The following DGUOK variants were observed in gnomAD, a reference collection of about 807,000 sequenced individuals.
DGUOK encodes the protein deoxyguanosine kinase.
A neutral mutation model predicts 36.6 loss-of-function variants in DGUOK; 30 were observed. That is an observed-to-expected ratio of 0.82 (90% CI 0.61 to 1.11). The LOEUF (loss-of-function observed/expected upper bound fraction) is 1.11, where lower values mean the gene tolerates loss of function less well. DGUOK is among the 50% of genes most tolerant of loss of function. The pLI is 0.00. For missense variants in DGUOK, 361 were observed against 336.4 expected, an observed-to-expected ratio of 1.07 and a Z score of -0.57; for synonymous variants, 145 against 126.3, an observed-to-expected ratio of 1.15 and a Z score of -0.99.
rs754292466 is a variant in DGUOK at position 73,958,211 on chromosome 2, AG to A, written c.775del (p.Glu259LysfsTer2). 1 of 1,613,864 alleles carries A rather than the reference AG, an allele frequency of 6.2e-7. No homozygotes were observed. Among genetic ancestry groups the A allele is most frequent in the South Asian group, 1.1e-5 (1 of 91,066 alleles). ...TTGGATGTCAATGATGATTTTTCTG[AG>A]GAAGTAACCAAACAAGAAGACCTCA... ...LVLDVNDDFS[E>X]EVTKQEDLMR... On this transcript the variant is annotated frameshift_variant, in exon 6 of 7. Coordinates refer to ENST00000264093, the MANE Select transcript of DGUOK (RefSeq NM_080916.3). LOFTEE classifies it high-confidence loss of function.
Position 73,938,893 on chromosome 2 carries a change from T to C in DGUOK, c.143-17T>C. 5 of 1,569,700 alleles carry C rather than the reference T, an allele frequency of 3.2e-6. No homozygotes were observed. Among genetic ancestry groups the C allele is most frequent in the Non-Finnish European group, 4.4e-6 (5 of 1,139,554 alleles). On this transcript the variant is annotated splice_polypyrimidine_tract_variant and intron_variant, in intron 1 of 6. Coordinates refer to ENST00000264093, the MANE Select transcript of DGUOK (RefSeq NM_080916.3). ...CTGATTTGGGAAGCATCCCAATACA[T>C]GCTATTTGCATTGCAGCTGTGGGAA...
In DGUOK at chr2:73,958,024, T is replaced by C. The variant is rs1482528602; in HGVS notation, c.708-122T>C. ...TTTTTTAAATGCAGTTTACATGCAG[T>C]TTCTTTGAAAAGTCATGTTGAATTT... On this transcript the variant is annotated intron_variant, in intron 5 of 6. Coordinates refer to ENST00000264093, the MANE Select transcript of DGUOK (RefSeq NM_080916.3). The C allele has an allele frequency of 7.7e-6, 6 of 776,862 alleles. No homozygotes were observed. In the African/African-American group the frequency reaches 1.0e-4, roughly 13 times the overall value. The allele number at this position is 776,862 out of a possible 1,614,324, so 48.1% of individuals were successfully genotyped here.
chr2:73,939,922 T>TC (rs1439159303), intron 2 of DGUOK, among the ~76,000 whole-genome samples: 1 of 151,736 alleles, frequency 6.6e-6, no homozygotes, highest in African/African-American at 2.4e-5. Flanking sequence ...TTTTTTTTTT[T>TC]TGACAGTCTC....
chr2:73,948,135 C>G (rs1026402148), intron 3 of DGUOK, among the ~76,000 whole-genome samples: 2 of 152,134 alleles, frequency 1.3e-5, no homozygotes, highest in African/African-American at 4.8e-5. Flanking sequence ...TCTTTTTCAG[C>G]TGTTGGATAT....
chr2:73,950,387 TTAG>T (rs1377602389), intron 3 of DGUOK, among the ~76,000 whole-genome samples, 195 bp from the exon 4 acceptor site: 1 of 152,202 alleles, frequency 6.6e-6, no homozygotes, highest in Non-Finnish European at 1.5e-5. Flanking sequence ...ATTTCCCATC[TTAG>T]TACTGAGCAG....
Position 73,935,350 on chromosome 2 carries a change from T to C in DGUOK, c.143-3560T>C, listed in dbSNP as rs570293863. On this transcript the variant is annotated intron_variant, in intron 1 of 6. Coordinates refer to ENST00000264093, the MANE Select transcript of DGUOK (RefSeq NM_080916.3). ...AAGTATGGCTTTCTGTAGACAGGGG[T>C]GTTCTGGTCACTAGGAGGAGGCTTC... 2.6e-5 allele frequency among the ~76,000 whole-genome samples: 4 copies of C among 152,248 alleles called. No individual in the cohort carries two copies. The South Asian group carries it at 8.3e-4, about 32-fold the overall frequency.
At chr2:73,935,944 A>G (rs1317667243) in intron 1 of DGUOK, among the ~76,000 whole-genome samples, 1 of 152,210 alleles carries the variant, frequency 6.6e-6, no homozygotes, top group Non-Finnish European at 1.5e-5. Context: ...TCTTAGATGA[A>G]CTAATAGTGT....
At chr2:73,952,945 G>T (rs886657442) in intron 4 of DGUOK, among the ~76,000 whole-genome samples, 1 of 152,088 alleles carries the variant, frequency 6.6e-6, no homozygotes, top group Admixed American at 6.5e-5. Flanking sequence ...TCCAAATTGG[G>T]CAGCCTTAAC....
At chr2:73,958,283 C>T (rs1194102983) in intron 6 of DGUOK, 38 bp downstream of exon 6, 5 of 1,504,170 alleles carry the variant, frequency 3.3e-6, no homozygotes, top group East Asian at 2.3e-5. Context: ...TGGTGGTTTC[C>T]TTTGTTGTAC....
At chr2:73,933,790 G>A (rs1410554422) in intron 1 of DGUOK, among the ~76,000 whole-genome samples, 1 of 152,094 alleles carries the variant, frequency 6.6e-6, no homozygotes, top group Non-Finnish European at 1.5e-5. Context: ...CAAGCTCTCA[G>A]CCTAGATCAT....
In DGUOK at chr2:73,958,179, G is replaced by A; in HGVS notation, c.741G>A (p.Val247=). ...TTGAGGCTCTGATGAACATTCCAGT[G>A]CTGGTGTTGGATGTCAATGATGATT... ...LHFEALMNIP[V]LVLDVNDDFS... The change falls in exon 6 of 7, where the codon GTG becomes GTA. Residue 247 remains valine, a synonymous_variant. Transcript: ENST00000264093. The A allele has an allele frequency of 6.2e-7, 1 of 1,613,826 alleles. No individual in the cohort carries two copies. Among genetic ancestry groups the A allele is most frequent in the Non-Finnish European group, 8.5e-7 (1 of 1,179,820 alleles).
intron 4 of DGUOK, among the ~76,000 whole-genome samples, chr2:73,953,281 ATCATCATCATCGTCGTCGTCG>A (rs1474587187): frequency 1.2e-5 from 1 of 83,040 alleles, no homozygotes; most frequent in African/African-American, 3.8e-5. Context: ...GATGATGATC[ATCATCATCATCGTCGTCGTCG>A]TCGTCGTCGT....
At chr2:73,946,088 C>T (rs1397047659) in intron 2 of DGUOK, among the ~76,000 whole-genome samples, 1 of 150,440 alleles carries the variant, frequency 6.6e-6, no homozygotes, top group African/African-American at 2.4e-5. Flanking sequence ...GGCTGCTGAA[C>T]ATCCCACACT....
At chr2:73,950,871 T>A in intron 4 of DGUOK, 139 bp downstream of exon 4, 1 of 1,174,682 alleles carries the variant, frequency 8.5e-7, no homozygotes, top group Non-Finnish European at 1.3e-6. Context: ...GGGGACACCC[T>A]CCTGTCCCAG....
intron 6 of DGUOK, 40 bp from the exon 7 acceptor site, chr2:73,958,670 A>C: frequency 6.3e-7 from 1 of 1,586,654 alleles, no homozygotes; most frequent in Non-Finnish European, 8.7e-7. Flanking sequence ...AATTCTGTTA[A>C]AAATGTGAAA....
chr2:73,956,380 T>C (rs971155186), intron 4 of DGUOK, among the ~76,000 whole-genome samples: 2 of 152,250 alleles, frequency 1.3e-5, no homozygotes, highest in African/African-American at 4.8e-5. Flanking sequence ...GCAATGCTAT[T>C]CATACATACT....
chr2:73,934,993 T>G (rs1490911854), intron 1 of DGUOK, among the ~76,000 whole-genome samples: 4 of 151,794 alleles, frequency 2.6e-5, no homozygotes, highest in Non-Finnish European at 4.4e-5. Flanking sequence ...GGAGAATCGC[T>G]TGAACCCAGG....
intron 4 of DGUOK, among the ~76,000 whole-genome samples, chr2:73,951,388 A>G (rs1275885154): frequency 3.9e-5 from 6 of 152,008 alleles, no homozygotes; most frequent in Non-Finnish European, 7.4e-5. Context: ...CCTTGCCTGT[A>G]AAATCCACTG....
chr2:73,958,059 C>T (rs996038299), intron 5 of DGUOK, 87 bp from the exon 6 acceptor site: 5 of 1,011,760 alleles, frequency 4.9e-6, no homozygotes. Flanking sequence ...TAGATCTGTT[C>T]TCTGAGTAAG....
Sources: gnomAD v4.1 joint callset for allele counts (sites outside exome capture counted in the v4.1 genomes callset) on GRCh38, gnomAD v4.1.1 for gene constraint, MANE v1.5 for transcripts, NCBI Gene and HGNC (gene_info 2026-07-23, HGNC 2026-07-21) for gene names.